The following RBFOX1 variants were observed in gnomAD, a reference collection of about 807,000 sequenced individuals.
RBFOX1 encodes RNA binding fox-1 homolog 1.
Under a neutral mutation model 57.7 loss-of-function variants are expected in RBFOX1, and 8 were observed. That is an observed-to-expected ratio of 0.14 (90% CI 0.08 to 0.25). The LOEUF (loss-of-function observed/expected upper bound fraction) is 0.25. Ranked by LOEUF, RBFOX1 falls within the 10% of genes least tolerant of loss-of-function variation. RBFOX1 has a pLI of 1.00. For missense variants in RBFOX1, 611 were observed against 548.5 expected (o/e 1.11, Z -1.14); for synonymous variants, 326 against 222.4 (o/e 1.47, Z -4.15).
intron 3 of RBFOX1, among the ~76,000 whole-genome samples, chr16:5,626,467 C>G (rs1187571324): frequency 6.6e-6 from 1 of 152,150 alleles, no homozygotes; most frequent in South Asian, 2.1e-4. Context: ...AGACCCTGTC[C>G]TTGATAGCAG....
chr16:5,686,470 G>T (rs1287690131), intron 3 of RBFOX1, among the ~76,000 whole-genome samples: 1 of 152,130 alleles, frequency 6.6e-6, no homozygotes, highest in Non-Finnish European at 1.5e-5. Context: ...TGCAGTGAAG[G>T]TAGCTGTTTC....
At chr16:7,435,115 G>T (rs564315495) in intron 4 of RBFOX1, among the ~76,000 whole-genome samples, 53 of 152,140 alleles carry the variant, frequency 3.5e-4, no homozygotes, top group African/African-American at 1.3e-3. Flanking sequence ...ATTTTATTCA[G>T]ATTTCCTTAG....
intron 2 of RBFOX1, among the ~76,000 whole-genome samples, chr16:6,518,843 CT>C (rs2096443587): frequency 1.2e-5 from 1 of 84,720 alleles, no homozygotes; most frequent in Admixed American, 1.1e-4. Flanking sequence ...ATCTATCTAT[CT>C]ATCTGTCTTC....
At chr16:7,319,978 A>T (rs972425389) in intron 4 of RBFOX1, among the ~76,000 whole-genome samples, 3 of 152,246 alleles carry the variant, frequency 2.0e-5, no homozygotes, top group Non-Finnish European at 4.4e-5. Context: ...TTGTTAAAAA[A>T]TTAAGCAGAA....
At chr16:6,117,874 C>G (rs1001423303) in intron 1 of RBFOX1, among the ~76,000 whole-genome samples, 2 of 152,158 alleles carry the variant, frequency 1.3e-5, no homozygotes, top group African/African-American at 4.8e-5. Flanking sequence ...GATCTAGTTT[C>G]CTTCCCACCA....
At chr16:5,813,753 G>C (rs552290260) in intron 3 of RBFOX1, among the ~76,000 whole-genome samples, 1 of 152,200 alleles carries the variant, frequency 6.6e-6, no homozygotes, top group Non-Finnish European at 1.5e-5. Context: ...GCATCAGCAC[G>C]TGCTTACTAT....
At chr16:5,790,154 G>T (rs757299896) in intron 3 of RBFOX1, among the ~76,000 whole-genome samples, 1 of 152,198 alleles carries the variant, frequency 6.6e-6, no homozygotes, top group African/African-American at 2.4e-5. Context: ...GTCTCACATG[G>T]AGAATTTGGA....
intron 2 of RBFOX1, among the ~76,000 whole-genome samples, chr16:6,560,115 T>C (rs1478128867): frequency 6.9e-6 from 1 of 145,648 alleles, no homozygotes; most frequent in East Asian, 2.0e-4. Context: ...CATTGTGCGG[T>C]GGGGTAATCA....
chr16:5,702,178 A>G (rs1488121242), intron 3 of RBFOX1, among the ~76,000 whole-genome samples: 1 of 152,160 alleles, frequency 6.6e-6, no homozygotes, highest in Admixed American at 6.5e-5. Context: ...GGTTTCATTG[A>G]CTCAGTTCCA....
chr16:5,279,483 C>T (rs1234298016), intron 1 of RBFOX1, among the ~76,000 whole-genome samples: 2 of 150,130 alleles, frequency 1.3e-5, no homozygotes, highest in Non-Finnish European at 3.0e-5. Flanking sequence ...ATTATACGTC[C>T]GTTTTTAAAA....
At chr16:7,005,885 A>G (rs917239896) in intron 3 of RBFOX1, among the ~76,000 whole-genome samples, 25 of 152,102 alleles carry the variant, frequency 1.6e-4, no homozygotes, top group African/African-American at 5.8e-4. Context: ...CTGGATAAGA[A>G]CTATGAAGAT....
At chr16:7,465,052 G>A (rs989532198) in intron 4 of RBFOX1, among the ~76,000 whole-genome samples, 1 of 151,754 alleles carries the variant, frequency 6.6e-6, no homozygotes, top group African/African-American at 2.4e-5. Flanking sequence ...ACCTCTTCCA[G>A]GGCATGGCAC....
At chr16:6,664,685 G>A (rs2098721095) in intron 3 of RBFOX1, among the ~76,000 whole-genome samples, 1 of 152,222 alleles carries the variant, frequency 6.6e-6, no homozygotes, top group Admixed American at 6.5e-5. Flanking sequence ...GAAATTGCGT[G>A]TTCAGAACCC....
intron 4 of RBFOX1, among the ~76,000 whole-genome samples, chr16:7,143,436 AAATGTGCCTCAGTAATTTAG>A (rs1303341190): frequency 6.6e-6 from 1 of 152,162 alleles, no homozygotes; most frequent in Non-Finnish European, 1.5e-5. Context: ...ATTTAAAATA[AAATGTGCCTCAGTAATTTAG>A]AATCTGTCTG....
intron 3 of RBFOX1, among the ~76,000 whole-genome samples, chr16:6,858,561 T>C (rs2058331962): frequency 6.6e-6 from 1 of 152,190 alleles, no homozygotes; most frequent in African/African-American, 2.4e-5. Context: ...CGGTTACAGC[T>C]CAATTAAAAT....
chr16:7,519,639 TG>T (rs1258312185), intron 5 of RBFOX1: 1 of 958,360 alleles, frequency 1.0e-6, no homozygotes, highest in East Asian at 1.2e-4. Context: ...AACATGCATT[TG>T]GGAACCTTTT....
intron 4 of RBFOX1, among the ~76,000 whole-genome samples, chr16:7,403,883 G>A (rs937322385): frequency 1.3e-4 from 20 of 150,676 alleles, no homozygotes; most frequent in African/African-American, 4.4e-4. Flanking sequence ...ATTCTAGTAC[G>A]TACATAAATT....
chr16:5,728,784 C>T (rs543485064), intron 3 of RBFOX1, among the ~76,000 whole-genome samples: 1 of 152,142 alleles, frequency 6.6e-6, no homozygotes, highest in Non-Finnish European at 1.5e-5. Context: ...GAGCTACTCG[C>T]CACTGTGTTC....
At chr16:6,966,240 C>T (rs772272765) in intron 3 of RBFOX1, among the ~76,000 whole-genome samples, 2 of 152,240 alleles carry the variant, frequency 1.3e-5, no homozygotes, top group South Asian at 2.1e-4. Context: ...AGGGCCACAT[C>T]CAGGGCCAAG....
Sources: allele counts gnomAD v4.1 joint callset (sites outside exome capture counted in the v4.1 genomes callset), GRCh38; gene constraint gnomAD v4.1.1; transcripts MANE v1.5; gene names NCBI Gene and HGNC (gene_info 2026-07-23, HGNC 2026-07-21).